BBS9: variants seen among roughly 807,000 people sequenced by gnomAD.
BBS9 encodes protein PTHB1.
BBS9 carries 89 observed loss-of-function variants against 117.7 expected under a neutral mutation model. That is an observed-to-expected ratio of 0.76 (90% CI 0.64 to 0.90). The LOEUF is 0.90. Among genes scored for constraint, BBS9 ranks in the 40% least tolerant of loss-of-function variants. BBS9 has a pLI of 0.00. For missense variants in BBS9, 982 were observed against 1,042.2 expected, an observed-to-expected ratio of 0.94 and a Z score of 0.80; for synonymous variants, 379 against 370.9, an observed-to-expected ratio of 1.02 and a Z score of -0.25.
intron 21 of BBS9, among the ~76,000 whole-genome samples, chr7:33,552,172 A>G (rs1336061682): frequency 6.6e-6 from 1 of 152,114 alleles, no homozygotes; most frequent in Non-Finnish European, 1.5e-5. Context: ...ATCATGAGCC[A>G]CTGTTAGATG....
In BBS9 at chr7:33,349,163, A is replaced by G. The variant is rs1332190447; in HGVS notation, c.1425A>G (p.Glu475=). ...LELTCDQFTF[E]FMTPDLTRTV... Reference sequence around the variant, plus strand: ...TGACTTGTGATCAGTTCACCTTTGAATTTATGAGTAAGTTTTTTGTTTTGG... The same window carrying G: ...TGACTTGTGATCAGTTCACCTTTGAGTTTATGAGTAAGTTTTTTGTTTTGG... Residue 475 remains glutamate (E), a synonymous_variant, in exon 13 of 23, where the codon GAA becomes GAG. Coordinates refer to ENST00000242067, the MANE Select transcript of BBS9 (RefSeq NM_198428.3). 7 of 1,609,252 alleles carry G rather than the reference A, an allele frequency of 4.3e-6. No individual in the cohort carries two copies. The highest frequency in any genetic ancestry group is 1.3e-5 in the African/African-American group (1 of 74,836).
chr7:33,542,775 A>G (rs115429880), intron 21 of BBS9, among the ~76,000 whole-genome samples: 1,938 of 134,598 alleles, frequency 0.014, 48 homozygotes, highest in African/African-American at 0.051. Flanking sequence ...ATATGTGAGT[A>G]TATATATATA....
At chr7:33,538,276 CCATATATTTT>C (rs1324910496) in intron 21 of BBS9, among the ~76,000 whole-genome samples, 1 of 152,062 alleles carries the variant, frequency 6.6e-6, no homozygotes, top group Admixed American at 6.5e-5. Flanking sequence ...CTTATATAAT[CCATATATTTT>C]CATAGATATG....
chr7:33,417,618 A>G (rs1419911937), intron 19 of BBS9, among the ~76,000 whole-genome samples: 1 of 152,252 alleles, frequency 6.6e-6, no homozygotes, highest in East Asian at 1.9e-4. Flanking sequence ...AAAGGTTGCC[A>G]TAACTGTTTA....
At chr7:33,174,827 C>G (rs1027457120) in intron 4 of BBS9, among the ~76,000 whole-genome samples, 1 of 152,194 alleles carries the variant, frequency 6.6e-6, no homozygotes, top group African/African-American at 2.4e-5. Context: ...CTAGAACTCT[C>G]TTCAGGTTAA....
chr7:33,545,924 C>CTTTTT lies in BBS9; in HGVS notation c.2521+11771_2521+11775dup, dbSNP rs10537037. On this transcript the variant is annotated intron_variant, in intron 21 of 22. Transcript: ENST00000242067. ...ATACTATACCTACTGCTTTATAATC[C>CTTTTT]TTTTTTTTTTTTTTTTTTTTTTTTT... Among the ~76,000 whole-genome samples the CTTTTT allele has an allele frequency of 4.0e-4, 26 of 64,612 alleles. 4 individuals carry two copies. Among genetic ancestry groups the CTTTTT allele is most frequent in the African/African-American group, 8.2e-4 (13 of 15,872 alleles). The allele number at this position is 64,612 out of a possible 152,430, so 42.4% of individuals were successfully genotyped here. A position where few individuals can be genotyped will look rare whatever the true frequency, so the allele number is the denominator to read the frequency against.
chr7:33,387,006 A>G (rs1209920554), intron 18 of BBS9, among the ~76,000 whole-genome samples: 4 of 152,184 alleles, frequency 2.6e-5, no homozygotes, highest in African/African-American at 4.8e-5. Context: ...AGCACATTAT[A>G]CATACTATTT....
intron 9 of BBS9, among the ~76,000 whole-genome samples, chr7:33,327,475 G>A (rs1813092847): frequency 6.6e-6 from 1 of 152,112 alleles, no homozygotes; most frequent in Non-Finnish European, 1.5e-5. Context: ...TGAAGCAGGA[G>A]GATCACCTGA....
intron 19 of BBS9, among the ~76,000 whole-genome samples, chr7:33,496,313 G>A (rs1278442271): frequency 1.3e-5 from 2 of 152,112 alleles, no homozygotes; most frequent in Non-Finnish European, 2.9e-5. Context: ...AAACCAGCCT[G>A]ATCAACATGG....
At chr7:33,293,282 G>T (rs1456736665) in intron 9 of BBS9, among the ~76,000 whole-genome samples, 1 of 151,866 alleles carries the variant, frequency 6.6e-6, no homozygotes, top group African/African-American at 2.4e-5. Context: ...AATAGAAGGG[G>T]TTATAGCAAA....
chr7:33,533,968 G>A lies in BBS9; in HGVS notation c.2313G>A (p.Thr771=), dbSNP rs374269883. 24 of 1,614,042 alleles carry A rather than the reference G, an allele frequency of 1.5e-5. No homozygotes were observed. The highest frequency in any genetic ancestry group is 1.6e-4 in the Middle Eastern group (1 of 6,084). ...EDTQELGWEE[T]VDAAISHLLK... is the part of the protein sequence containing the mutation. ...TTTGTATCCAGGGCTGGGAAGAAAC[G>A]GTGGATGCCGCCATTTCCCACCTGT... The change falls in exon 21 of 23, where the codon ACG becomes ACA. Residue 771 remains threonine (T), a synonymous_variant. Transcript: ENST00000242067.
intron 20 of BBS9, among the ~76,000 whole-genome samples, chr7:33,521,782 C>T (rs1479571147): frequency 6.6e-6 from 1 of 150,822 alleles, no homozygotes; most frequent in African/African-American, 2.4e-5. Flanking sequence ...TTTTAGGGTA[C>T]ATGTGCACCT....
At chr7:33,265,762 G>A (rs932533573) in intron 7 of BBS9, among the ~76,000 whole-genome samples, 2 of 152,118 alleles carry the variant, frequency 1.3e-5, no homozygotes, top group Non-Finnish European at 1.5e-5. Context: ...AGAATCGCTT[G>A]AACCTGGGGG....
intron 15 of BBS9, among the ~76,000 whole-genome samples, chr7:33,356,615 A>G (rs1819653536): frequency 6.6e-6 from 1 of 151,842 alleles, no homozygotes. Context: ...AAAGTATTTA[A>G]TTGACCTCAT....
intron 11 of BBS9, among the ~76,000 whole-genome samples, chr7:33,341,963 G>A (rs1370478427): frequency 2.0e-5 from 3 of 152,070 alleles, no homozygotes; most frequent in Non-Finnish European, 4.4e-5. Context: ...GTAGAAATCT[G>A]TGTAGAAATT....
At chr7:33,574,535 A>G (rs1858379584) in intron 21 of BBS9, among the ~76,000 whole-genome samples, 1 of 152,118 alleles carries the variant, frequency 6.6e-6, no homozygotes, top group Non-Finnish European at 1.5e-5. Flanking sequence ...GGCAGCACAG[A>G]CAAGAATATG....
At chr7:33,620,556 A>G (rs1015010715) in intron 21 of BBS9, among the ~76,000 whole-genome samples, 15 of 152,082 alleles carry the variant, frequency 9.9e-5, no homozygotes, top group African/African-American at 3.6e-4. Flanking sequence ...AGATCTATAC[A>G]CTGAAAACTA....
At chr7:33,222,805 T>G (rs1293482803) in intron 5 of BBS9, among the ~76,000 whole-genome samples, 1 of 151,664 alleles carries the variant, frequency 6.6e-6, no homozygotes, top group Non-Finnish European at 1.5e-5. Context: ...AAAAAAATAT[T>G]AGCAGGGCGT....
At chr7:33,159,850 A>C (rs1453299174) in intron 4 of BBS9, among the ~76,000 whole-genome samples, 2 of 152,230 alleles carry the variant, frequency 1.3e-5, no homozygotes, top group African/African-American at 4.8e-5. Context: ...TATCAGGAGG[A>C]TAATACCAAG....
Sources: allele counts gnomAD v4.1 joint callset (sites outside exome capture counted in the v4.1 genomes callset), GRCh38; gene constraint gnomAD v4.1.1; transcripts MANE v1.5; gene names NCBI Gene and HGNC (gene_info 2026-07-23, HGNC 2026-07-21).